The following WWOX variants were observed in gnomAD, a reference collection of about 807,000 sequenced individuals.
WWOX encodes the protein WW domain-containing oxidoreductase.
In WWOX, 69 loss-of-function variants were observed where a neutral mutation model predicts 46.2. The observed-to-expected ratio is 1.49, with a 90% CI of 1.23 to 1.82. The LOEUF (loss-of-function observed/expected upper bound fraction) is 1.82, where lower values mean the gene tolerates loss of function less well. Among genes scored for constraint, WWOX ranks in the 40% most tolerant of loss-of-function variants. The pLI is 0.00. For missense variants in WWOX, 919 were observed against 542.6 expected (o/e 1.69, Z -6.89); for synonymous variants, 359 against 202.6 (o/e 1.77, Z -6.56).
chr16:79,052,339 T>C (rs1056650312), intron 8 of WWOX, among the ~76,000 whole-genome samples: 1 of 152,224 alleles, frequency 6.6e-6, no homozygotes, highest in Non-Finnish European at 1.5e-5. Flanking sequence ...GATTTCCAAT[T>C]TCATCCATGT....
chr16:78,563,742 G>C (rs909607352), intron 8 of WWOX, among the ~76,000 whole-genome samples: 1 of 152,006 alleles, frequency 6.6e-6, no homozygotes, highest in African/African-American at 2.4e-5. Context: ...CAGATATTAA[G>C]TCCACAGATA....
intron 5 of WWOX, among the ~76,000 whole-genome samples, chr16:78,275,912 G>A (rs995804767): frequency 6.6e-6 from 1 of 152,004 alleles, no homozygotes; most frequent in African/African-American, 2.4e-5. Context: ...GAGTGCACTG[G>A]GAGGGGAGGC....
At chr16:78,328,859 T>C (rs371571842) in intron 5 of WWOX, among the ~76,000 whole-genome samples, 39 of 152,204 alleles carry the variant, frequency 2.6e-4, no homozygotes, top group African/African-American at 9.2e-4. Context: ...TTTCTTTTCT[T>C]TTCTCTTCTC....
rs772718440 is a variant in WWOX, at chr16:78,175,023, TAATAATAAG to T, written c.516+10738_516+10746del. Among the ~76,000 whole-genome samples, 1,222 of 147,554 alleles carry T rather than the reference TAATAATAAG, an allele frequency of 8.3e-3. 14 individuals carry two copies. Among genetic ancestry groups the T allele is most frequent in the Non-Finnish European group, 0.014 (970 of 67,106 alleles). ...GTAATAATAATAATAATAATAATAA[TAATAATAAG>T]AATCTGACTAAGGTTATTAACCATT... On this transcript the variant is annotated intron_variant, in intron 5 of 8. Transcript: ENST00000566780.
intron 8 of WWOX, among the ~76,000 whole-genome samples, chr16:78,555,126 C>CTG (rs2044263236): frequency 7.1e-6 from 1 of 141,082 alleles, no homozygotes; most frequent in African/African-American, 2.6e-5. Context: ...CTCTTTCTCT[C>CTG]TGTCTTTTTC....
intron 8 of WWOX, chr16:78,896,090 G>T (rs1226737040): frequency 6.6e-6 from 1 of 151,938 alleles, no homozygotes; most frequent in Non-Finnish European, 1.5e-5. Flanking sequence ...AAAACATGCA[G>T]GCAATTGATC....
chr16:79,171,493 C>T (rs950264051), intron 8 of WWOX, among the ~76,000 whole-genome samples: 2 of 152,102 alleles, frequency 1.3e-5, no homozygotes, highest in African/African-American at 4.8e-5. Context: ...GTTTGCTACC[C>T]AGAATTTAAA....
intron 8 of WWOX, among the ~76,000 whole-genome samples, chr16:78,601,060 A>ATGT (rs762422567): frequency 3.3e-5 from 5 of 152,158 alleles, no homozygotes; most frequent in Non-Finnish European, 7.4e-5. Context: ...TGGGGCAGGG[A>ATGT]TGTAAATACC....
intron 8 of WWOX, among the ~76,000 whole-genome samples, chr16:79,181,849 A>C (rs758269377): frequency 6.6e-6 from 1 of 152,182 alleles, no homozygotes; most frequent in Non-Finnish European, 1.5e-5. Context: ...CAGCTGTAGC[A>C]TTTTACAAAC....
chr16:78,597,818 C>T (rs1343112441), intron 8 of WWOX, among the ~76,000 whole-genome samples: 2 of 150,972 alleles, frequency 1.3e-5, no homozygotes, highest in Admixed American at 1.3e-4. Flanking sequence ...GCTAAGCCCT[C>T]CCCACTTTTT....
rs2043523364 is a variant in WWOX at position 78,528,054 on chromosome 16, A to AGTGGC, written c.1056+95305_1056+95309dup. 4.1e-5 allele frequency among the ~76,000 whole-genome samples: 5 copies of AGTGGC among 121,326 alleles called. No homozygotes were observed. In the South Asian group the frequency reaches 1.5e-3, roughly 36 times the overall value. 79.6% of individuals were successfully genotyped at this position (121,326 alleles called of 152,430 possible). ...TGCTCTGTCGCCCAGGCTGGAGTGC[A>AGTGGC]GTGGCGTAATCTCGGCTCACTGCAA... is the stretch of plus-strand genomic sequence containing the variant. On this transcript the variant is annotated intron_variant, in intron 8 of 8. Transcript: ENST00000566780.
chr16:78,643,952 G>A (rs2046782853), intron 8 of WWOX, among the ~76,000 whole-genome samples: 1 of 152,318 alleles, frequency 6.6e-6, no homozygotes, highest in Admixed American at 6.5e-5. Context: ...GCTGGGTGCG[G>A]TGGCTCACGC....
chr16:79,026,491 A>G (rs1164139476), intron 8 of WWOX, among the ~76,000 whole-genome samples: 1 of 151,170 alleles, frequency 6.6e-6, no homozygotes, highest in Non-Finnish European at 1.5e-5. Context: ...TGTTCATGTG[A>G]TCATTGATCA....
At chr16:79,038,964 A>G (rs1259499395) in intron 8 of WWOX, among the ~76,000 whole-genome samples, 1 of 152,182 alleles carries the variant, frequency 6.6e-6, no homozygotes, top group Non-Finnish European at 1.5e-5. Flanking sequence ...AGTTGCCCCT[A>G]GGATCATTTT....
At chr16:78,392,266 C>G (rs537320046) in intron 6 of WWOX, among the ~76,000 whole-genome samples, 1 of 152,050 alleles carries the variant, frequency 6.6e-6, no homozygotes, top group Non-Finnish European at 1.5e-5. Flanking sequence ...GGACCGTGAT[C>G]CCTATTGTGA....
chr16:78,459,462 T>G (rs955175419), intron 8 of WWOX, among the ~76,000 whole-genome samples: 1 of 152,246 alleles, frequency 6.6e-6, no homozygotes, highest in Non-Finnish European at 1.5e-5. Context: ...GTTTTCTTCC[T>G]TTTCTAACTA....
At chr16:78,524,651 C>A (rs935678064) in intron 8 of WWOX, among the ~76,000 whole-genome samples, 2 of 151,802 alleles carry the variant, frequency 1.3e-5, no homozygotes, top group Non-Finnish European at 2.9e-5. Flanking sequence ...AAACTCCTGA[C>A]CTCGTGATCC....
At chr16:78,375,704 C>G (rs986546011) in intron 5 of WWOX, among the ~76,000 whole-genome samples, 5 of 151,934 alleles carry the variant, frequency 3.3e-5, no homozygotes, top group African/African-American at 9.7e-5. Context: ...GAGTCTACTT[C>G]CAGGAATTCA....
intron 8 of WWOX, among the ~76,000 whole-genome samples, chr16:78,523,019 C>T (rs2043382863): frequency 6.6e-6 from 1 of 152,190 alleles, no homozygotes; most frequent in Non-Finnish European, 1.5e-5. Context: ...TTGCAGTGAG[C>T]TGAGATCGTG....
Sources: gnomAD v4.1 joint callset for allele counts (sites outside exome capture counted in the v4.1 genomes callset) on GRCh38, gnomAD v4.1.1 for gene constraint, MANE v1.5 for transcripts, NCBI Gene and HGNC (gene_info 2026-07-23, HGNC 2026-07-21) for gene names.